Variants in TENM4 observed in about 807,000 individuals in gnomAD.
TENM4 encodes the protein teneurin-4.
TENM4 carries 82 observed loss-of-function variants against 243.3 expected under a neutral mutation model. The ratio of observed to expected loss-of-function variants is 0.34; its 90% CI spans 0.28 to 0.40. The LOEUF is 0.40. Ranked by LOEUF, TENM4 falls within the 10% of genes least tolerant of loss-of-function variation. TENM4 has a pLI of 1.00. For missense variants in TENM4, 3,138 were observed against 3,673.3 expected (o/e 0.85, Z 3.77); for synonymous variants, 1,412 against 1,456.3 (o/e 0.97, Z 0.69).
chr11:78,676,113 T>C lies in TENM4; in HGVS notation c.5496+39A>G, dbSNP rs952282359. 9 of 1,432,452 alleles carry C rather than the reference T, an allele frequency of 6.3e-6. No homozygotes were observed. In the African/African-American group the frequency reaches 8.5e-5, roughly 14 times the overall value. The allele number at this position is 1,432,452 out of a possible 1,614,324, so 88.7% of individuals were successfully genotyped here. A position where few individuals can be genotyped will look rare whatever the true frequency, so the allele number is the denominator to read the frequency against. On this transcript the variant is annotated intron_variant, in intron 30 of 33. Transcript: ENST00000278550. Reference sequence around the variant, plus strand: ...CCCCGTTCTCCCGTTCCCCATTCTTTCCCCCCAGGACGCAGCCACCTCCAG... The same window carrying C: ...CCCCGTTCTCCCGTTCCCCATTCTTCCCCCCCAGGACGCAGCCACCTCCAG...
chr11:79,290,143 G>A (rs78278221), intron 2 of TENM4, among the ~76,000 whole-genome samples: 7,288 of 151,962 alleles, frequency 0.048, 415 homozygotes, highest in East Asian at 0.27. Flanking sequence ...ATAAATGATG[G>A]GTTGGCTCTA....
chr11:79,358,018 C>T (rs575006879), intron 1 of TENM4, among the ~76,000 whole-genome samples: 33 of 152,258 alleles, frequency 2.2e-4, no homozygotes, highest in South Asian at 1.2e-3. Context: ...GAAATATTAA[C>T]GTCGTAATTA....
intron 6 of TENM4, among the ~76,000 whole-genome samples, chr11:79,041,902 T>C (rs1482439281): frequency 6.6e-6 from 1 of 152,176 alleles, no homozygotes; most frequent in Non-Finnish European, 1.5e-5. Flanking sequence ...GTCTGAACAA[T>C]GATAGTAACT....
intron 6 of TENM4, among the ~76,000 whole-genome samples, chr11:78,931,379 C>G (rs1448930927): frequency 2.0e-5 from 3 of 152,168 alleles, no homozygotes; most frequent in Admixed American, 6.5e-5. Context: ...TGGCTGGGCC[C>G]TGCGGTTTGT....
intron 3 of TENM4, among the ~76,000 whole-genome samples, chr11:79,177,600 AG>A (rs1317212823): frequency 6.6e-6 from 1 of 152,118 alleles, no homozygotes; most frequent in Non-Finnish European, 1.5e-5. Flanking sequence ...AATATTATGG[AG>A]GAAAGTAGAG....
chr11:79,067,115 A>G (rs972010326), intron 5 of TENM4, among the ~76,000 whole-genome samples: 5 of 152,290 alleles, frequency 3.3e-5, no homozygotes, highest in African/African-American at 9.6e-5. Context: ...ACAAAGGGTT[A>G]ATGTCCGCGG....
intron 6 of TENM4, among the ~76,000 whole-genome samples, chr11:78,915,201 G>A (rs80304102): frequency 2.2e-4 from 33 of 152,256 alleles, no homozygotes; most frequent in Non-Finnish European, 3.8e-4. Flanking sequence ...TGCGTGGGAG[G>A]CTTTTCACAC....
At chr11:79,037,693 C>A (rs980926143) in intron 6 of TENM4, among the ~76,000 whole-genome samples, 2 of 152,130 alleles carry the variant, frequency 1.3e-5, no homozygotes, top group African/African-American at 4.8e-5. Flanking sequence ...TCTATTAATA[C>A]CTTTTCTCCC....
At chr11:78,802,436 C>T (rs1857299263) in intron 15 of TENM4, among the ~76,000 whole-genome samples, 1 of 152,252 alleles carries the variant, frequency 6.6e-6, no homozygotes, top group South Asian at 2.1e-4. Context: ...GAACCCAGGC[C>T]AGCAGTTCCT....
intron 15 of TENM4, among the ~76,000 whole-genome samples, chr11:78,801,946 C>G (rs945798034): frequency 6.6e-5 from 10 of 152,196 alleles, no homozygotes; most frequent in Non-Finnish European, 1.0e-4. Flanking sequence ...AATTTCCTCA[C>G]CTAATCCTCA....
intron 3 of TENM4, among the ~76,000 whole-genome samples, chr11:79,188,692 G>C (rs1170697696): frequency 2.0e-5 from 3 of 151,546 alleles, no homozygotes; most frequent in Non-Finnish European, 4.4e-5. Flanking sequence ...GGAGAAAAGA[G>C]AGAGAGGAGG....
At chr11:79,270,298 C>T (rs1228868237) in intron 2 of TENM4, among the ~76,000 whole-genome samples, 4 of 152,162 alleles carry the variant, frequency 2.6e-5, no homozygotes, top group Admixed American at 2.6e-4. Flanking sequence ...CCAAAATGAT[C>T]CCCAGTGATT....
chr11:78,689,224 T>C (rs575457971), intron 28 of TENM4, among the ~76,000 whole-genome samples: 4 of 152,346 alleles, frequency 2.6e-5, no homozygotes, highest in Admixed American at 2.6e-4. Context: ...TGCCTCTCTG[T>C]CTTCAATGAA....
At chr11:79,296,473 G>A (rs1436213843) in intron 2 of TENM4, among the ~76,000 whole-genome samples, 2 of 152,148 alleles carry the variant, frequency 1.3e-5, no homozygotes, top group Admixed American at 6.5e-5. Context: ...ACTCTCAGGC[G>A]GAGAAAACAT....
chr11:79,271,893 T>C (rs1456370090), intron 2 of TENM4, among the ~76,000 whole-genome samples: 1 of 152,202 alleles, frequency 6.6e-6, no homozygotes. Context: ...ATACTTCCCA[T>C]GCACTGAGCA....
In TENM4 at chr11:78,655,674, C is replaced by T. The variant is rs898910622; in HGVS notation, c.*2384G>A. 6 of 152,338 alleles carry T rather than the reference C, an allele frequency of 3.9e-5. No individual in the cohort carries two copies. Among genetic ancestry groups the T allele is most frequent in the Non-Finnish European group, 5.9e-5 (4 of 68,192 alleles). 9.4% of individuals were successfully genotyped at this position (152,338 alleles called of 1,614,324 possible). On this transcript the variant is annotated 3_prime_UTR_variant, in exon 34 of 34. Coordinates refer to ENST00000278550, the MANE Select transcript of TENM4 (RefSeq NM_001098816.3). ...GGTTCCTGTGGACCGCATGCCGTTC[C>T]TGACCTCTGAGCAGACATCCCCAGC...
intron 2 of TENM4, among the ~76,000 whole-genome samples, chr11:79,232,646 G>A (rs1250907437): frequency 6.6e-6 from 1 of 152,208 alleles, no homozygotes; most frequent in East Asian, 1.9e-4. Context: ...AGTGAATTGT[G>A]CTAATATTCA....
intron 18 of TENM4, among the ~76,000 whole-genome samples, chr11:78,765,839 G>A (rs933136814): frequency 1.6e-4 from 25 of 152,168 alleles, no homozygotes; most frequent in Admixed American, 1.1e-3. Context: ...AATGGCTGCT[G>A]TTTTCCTTTA....
At position 79,010,520 on chromosome 11, in the gene TENM4, G is replaced by T. The variant is rs57446005; in HGVS notation, c.493+54218C>A. ...ACTGGGTAACTTATAAAGAAAAAGAGGTTTAATGGACTCACAGTTCCACAT... is the reference window on the plus strand; with the variant it reads ...ACTGGGTAACTTATAAAGAAAAAGATGTTTAATGGACTCACAGTTCCACAT... On this transcript the variant is annotated intron_variant, in intron 6 of 33. Transcript: ENST00000278550. Among the ~76,000 whole-genome samples, 1,068 of 152,192 alleles carry T rather than the reference G, an allele frequency of 7.0e-3. 37 individuals are homozygous for T. In the East Asian group the frequency reaches 0.088, roughly 13 times the overall value.
Sources: gnomAD v4.1 joint callset for allele counts (sites outside exome capture counted in the v4.1 genomes callset) on GRCh38, gnomAD v4.1.1 for gene constraint, MANE v1.5 for transcripts, NCBI Gene and HGNC (gene_info 2026-07-23, HGNC 2026-07-21) for gene names.